Variants in SERPINE2 observed in about 807,000 individuals in gnomAD.
SERPINE2 encodes the protein serpin family E member 2, also known as glia-derived nexin.
A neutral mutation model predicts 36.3 loss-of-function variants in SERPINE2; 14 were observed. The ratio of observed to expected loss-of-function variants is 0.39; its 90% CI spans 0.25 to 0.60. The LOEUF is 0.60. Among genes scored for constraint, SERPINE2 ranks in the 20% least tolerant of loss-of-function variants. The probability of loss-of-function intolerance (pLI) is 0.57; values close to 1 mark genes in which losing one functional copy is unlikely to be tolerated. For synonymous variants in SERPINE2, 192 were observed against 191.8 expected, an observed-to-expected ratio of 1.00 and a Z score of -0.01; for missense variants, 418 against 499.6, an observed-to-expected ratio of 0.84 and a Z score of 1.56.
intron 3 of SERPINE2, among the ~76,000 whole-genome samples, chr2:223,997,697 C>G (rs1185324083): frequency 3.9e-5 from 6 of 152,178 alleles, no homozygotes; most frequent in African/African-American, 1.4e-4. Flanking sequence ...TTGGCAATGG[C>G]AGAAGCAAGA....
At chr2:223,992,279 C>A (rs937012204) in intron 3 of SERPINE2, among the ~76,000 whole-genome samples, 2 of 152,208 alleles carry the variant, frequency 1.3e-5, no homozygotes, top group East Asian at 1.9e-4. Flanking sequence ...ATTATCAATT[C>A]CCTGCAAGTC....
chr2:224,015,670 T>A (rs1041369218), intron 1 of SERPINE2, among the ~76,000 whole-genome samples: 1 of 152,190 alleles, frequency 6.6e-6, no homozygotes, highest in African/African-American at 2.4e-5. Flanking sequence ...GTCTATCTTG[T>A]TCCATGGCTC....
chr2:223,981,905 T>C lies in SERPINE2; in HGVS notation c.985+776A>G, dbSNP rs377705918. The C allele has an allele frequency of 5.3e-5, 8 of 152,256 alleles. No homozygotes were observed. The East Asian group carries it at 1.5e-3, about 29-fold the overall frequency. 9.4% of individuals were successfully genotyped at this position (152,256 alleles called of 1,614,324 possible). On this transcript the variant is annotated intron_variant, in intron 6 of 8. Coordinates refer to ENST00000409304, the MANE Select transcript of SERPINE2 (RefSeq NM_001136528.2). ...ATCTGGGTACAGTGAATGACTGCAG[T>C]CTTGACTTTTTTTCAAGCAAAAGGA...
At chr2:223,993,552 G>GTGTGTA (rs1690759871) in intron 3 of SERPINE2, among the ~76,000 whole-genome samples, 1 of 150,778 alleles carries the variant, frequency 6.6e-6, no homozygotes, top group African/African-American at 2.4e-5. Flanking sequence ...GTGTGTGTGT[G>GTGTGTA]TGTGTGTATG....
intron 4 of SERPINE2, among the ~76,000 whole-genome samples, chr2:223,986,916 A>G (rs184085533): frequency 2.2e-4 from 33 of 152,308 alleles, no homozygotes; most frequent in Admixed American, 2.2e-3. Context: ...TGCATCAGAC[A>G]TACGCATGCT....
In SERPINE2 at chr2:223,991,902, G is replaced by T; in HGVS notation, c.586C>A (p.Arg196=). Residue 196 remains arginine, a synonymous_variant, in exon 4 of 9, where the codon CGG becomes AGG. Coordinates refer to ENST00000409304, the MANE Select transcript of SERPINE2 (RefSeq NM_001136528.2). ...TTCTTTGTGTTCTCGGGTTGGAACC[G>T]TGATTTCCACAGACCCTTGAAATAC... The part of the protein sequence containing the change: ...AVYFKGLWKS[R]FQPENTKKRT... The T allele has an allele frequency of 6.2e-7, 1 of 1,612,834 alleles. No homozygotes were observed.
chr2:223,989,219 G>A (rs376941969), intron 4 of SERPINE2, among the ~76,000 whole-genome samples: 2 of 152,264 alleles, frequency 1.3e-5, no homozygotes, highest in African/African-American at 4.8e-5. Flanking sequence ...TAAATCAGAA[G>A]GGTTTTCTTC....
At chr2:223,999,083 A>G (rs968004443) in intron 2 of SERPINE2, among the ~76,000 whole-genome samples, 7 of 152,334 alleles carry the variant, frequency 4.6e-5, no homozygotes, top group African/African-American at 1.7e-4. Context: ...AGATTTAACA[A>G]TGTAATTTCT....
intron 3 of SERPINE2, among the ~76,000 whole-genome samples, chr2:223,994,007 G>T (rs541140286): frequency 2.0e-5 from 3 of 152,248 alleles, no homozygotes; most frequent in Non-Finnish European, 4.4e-5. Flanking sequence ...CCTCTGCTGG[G>T]AACATTACCC....
chr2:223,987,853 G>A (rs985045239), intron 4 of SERPINE2, among the ~76,000 whole-genome samples: 2 of 152,134 alleles, frequency 1.3e-5, no homozygotes, highest in Non-Finnish European at 2.9e-5. Context: ...ATCAAAGAGG[G>A]TATCTTAAAT....
In SERPINE2 at chr2:223,975,914, TAAAAG is replaced by T. The variant is rs750770523; in HGVS notation, c.1157-15_1157-11del. ...ATGAATAACACAGCACCTACAGAATTAAAAGAAAACAATGCATGACTCTGTAAATT... is the reference window on the plus strand; with the variant it reads ...ATGAATAACACAGCACCTACAGAATTAAAACAATGCATGACTCTGTAAATT... On this transcript the variant is annotated splice_polypyrimidine_tract_variant and intron_variant, in intron 8 of 8. Transcript: ENST00000409304. 2.8e-5 allele frequency: 45 copies of T among 1,596,496 alleles called. No homozygotes were observed. The highest frequency in any genetic ancestry group is 3.6e-5 in the Non-Finnish European group (42 of 1,168,104).
intron 4 of SERPINE2, among the ~76,000 whole-genome samples, chr2:223,989,973 G>C (rs1409722290): frequency 6.6e-6 from 1 of 152,166 alleles, no homozygotes; most frequent in Non-Finnish European, 1.5e-5. Flanking sequence ...GGCTAGCCTT[G>C]GGCTGGGAGG....
intron 1 of SERPINE2, among the ~76,000 whole-genome samples, chr2:224,019,765 TAAAA>T (rs778718363): frequency 0.02 from 2,711 of 137,678 alleles, 39 homozygotes; most frequent in African/African-American, 0.036. Flanking sequence ...TTTTTTTTTT[TAAAA>T]AAAAAAAAAG....
At chr2:223,982,405 A>C (rs1024620129) in intron 6 of SERPINE2, 8 of 286,008 alleles carry the variant, frequency 2.8e-5, no homozygotes, top group African/African-American at 1.3e-4. Flanking sequence ...GGTGTACTAA[A>C]ATCTCAGACT....
At chr2:224,023,763 GA>G (rs1385574873) in intron 1 of SERPINE2, among the ~76,000 whole-genome samples, 2 of 152,214 alleles carry the variant, frequency 1.3e-5, no homozygotes, top group Non-Finnish European at 2.9e-5. Flanking sequence ...GCTACTTTGA[GA>G]TATGTTTTGG....
At chr2:223,990,603 C>T (rs948780552) in intron 4 of SERPINE2, among the ~76,000 whole-genome samples, 14 of 151,618 alleles carry the variant, frequency 9.2e-5, no homozygotes, top group African/African-American at 3.4e-4. Flanking sequence ...AAAGTGTGTA[C>T]AAAAGATTGA....
rs199863023 is a variant in SERPINE2, at chr2:224,024,002, TG to T, written c.-23+15096del. On this transcript the variant is annotated intron_variant, in intron 1 of 8. Coordinates refer to ENST00000409304, the MANE Select transcript of SERPINE2 (RefSeq NM_001136528.2). Reference sequence around the variant, plus strand: ...AAGAGTTTGAACTGGGTACAAGAGGTGGGTGGTCCCTGGTTCCCACATTTTG... The same window carrying T: ...AAGAGTTTGAACTGGGTACAAGAGGTGGTGGTCCCTGGTTCCCACATTTTG... Among the ~76,000 whole-genome samples, 156 of 152,306 alleles carry T rather than the reference TG, an allele frequency of 1.0e-3. 1 individual carries two copies. In the East Asian group the frequency reaches 0.028, roughly 27 times the overall value.
chr2:224,002,602 C>T (rs369928108), intron 1 of SERPINE2, among the ~76,000 whole-genome samples: 3 of 152,012 alleles, frequency 2.0e-5, no homozygotes, highest in South Asian at 4.2e-4. Context: ...AAGTGATTCT[C>T]ACGTCTCAGC....
chr2:224,001,592 A>G, intron 2 of SERPINE2, 50 bp downstream of exon 2: 1 of 1,573,578 alleles, frequency 6.4e-7, no homozygotes. Context: ...CCCTCCTGTC[A>G]CAAGACTCTC....
Sources: allele counts gnomAD v4.1 joint callset (sites outside exome capture counted in the v4.1 genomes callset), GRCh38; gene constraint gnomAD v4.1.1; transcripts MANE v1.5; gene names NCBI Gene and HGNC (gene_info 2026-07-23, HGNC 2026-07-21).